The following USH2A variants were observed in gnomAD, a reference collection of about 807,000 sequenced individuals.
USH2A encodes usherin.
A neutral mutation model predicts 538.9 loss-of-function variants in USH2A; 443 were observed. That is an observed-to-expected ratio of 0.82 (90% CI 0.76 to 0.89). The LOEUF is 0.89. USH2A is among the 40% of genes least tolerant of loss of function. The pLI is 0.00. For missense variants in USH2A, 6,633 were observed against 6,324.8 expected (o/e 1.05, Z -1.65); for synonymous variants, 2,413 against 2,273.5 (o/e 1.06, Z -1.75).
intron 3 of USH2A, among the ~76,000 whole-genome samples, chr1:216,417,715 G>A (rs2039601363): frequency 6.6e-6 from 1 of 152,084 alleles, no homozygotes; most frequent in South Asian, 2.1e-4. Context: ...CAGAAGCTGA[G>A]CAGATGCCAG....
intron 58 of USH2A, among the ~76,000 whole-genome samples, chr1:215,749,148 C>T (rs1264824268): frequency 2.0e-5 from 3 of 152,216 alleles, no homozygotes; most frequent in East Asian, 3.9e-4. Context: ...TTTGGAGTGG[C>T]GTTCCCTCCA....
intron 52 of USH2A, among the ~76,000 whole-genome samples, chr1:215,785,086 T>A (rs1661760140): frequency 6.6e-6 from 1 of 152,190 alleles, no homozygotes; most frequent in African/African-American, 2.4e-5. Context: ...ATATTTTTTG[T>A]TTGTATAGTG....
chr1:215,725,735 C>T (rs1659797878), intron 61 of USH2A, among the ~76,000 whole-genome samples: 1 of 152,142 alleles, frequency 6.6e-6, no homozygotes, highest in Non-Finnish European at 1.5e-5. Context: ...TAGAAAAGCA[C>T]ACCAGTACTG....
chr1:215,674,644 C>T lies in USH2A; in HGVS notation c.13267G>A (p.Ala4423Thr), dbSNP rs779595549. The T allele has an allele frequency of 1.2e-6, 2 of 1,614,130 alleles. No homozygotes were observed. Among genetic ancestry groups the T allele is most frequent in the South Asian group, 2.2e-5 (2 of 91,078 alleles). ...GCTGTGCAACCTCCATTCGTGCAGG[C>T]TACAAGGGAGAAGTTATACTGAGAG... ...PYSQYNFSLV[A>T]CTNGGCTASV... Residue 4423 changes from alanine to threonine, a missense_variant, in exon 63 of 72, where the codon GCC becomes ACC. Physicochemically the swap from Ala to Thr is moderately conservative, Grantham distance 58 (BLOSUM62 0). Coordinates refer to ENST00000307340, the MANE Select transcript of USH2A (RefSeq NM_206933.4).
chr1:216,220,631 A>G (rs925246832), intron 14 of USH2A, among the ~76,000 whole-genome samples: 37 of 151,942 alleles, frequency 2.4e-4, no homozygotes, highest in African/African-American at 8.9e-4. Context: ...GAGGGTATGA[A>G]ATTGCAAGCA....
intron 32 of USH2A, among the ~76,000 whole-genome samples, chr1:216,035,768 T>G (rs2029909989): frequency 6.6e-6 from 1 of 152,196 alleles, no homozygotes; most frequent in South Asian, 2.1e-4. Context: ...ATTAATTTAC[T>G]GAGTCTCAGT....
intron 52 of USH2A, among the ~76,000 whole-genome samples, chr1:215,784,558 G>A (rs1465312623): frequency 6.6e-6 from 1 of 152,126 alleles, no homozygotes; most frequent in Non-Finnish European, 1.5e-5. Flanking sequence ...CTAGTTATTA[G>A]TAGGTATTTA....
intron 38 of USH2A, among the ~76,000 whole-genome samples, chr1:215,933,416 C>T (rs1666411962): frequency 6.6e-6 from 1 of 151,866 alleles, no homozygotes; most frequent in South Asian, 2.1e-4. Flanking sequence ...ATGATACTAA[C>T]CTGAGTTGAT....
intron 55 of USH2A, among the ~76,000 whole-genome samples, chr1:215,768,182 C>G (rs563242951): frequency 2.9e-4 from 44 of 152,256 alleles, no homozygotes; most frequent in South Asian, 2.3e-3. Flanking sequence ...TATCCCCTCA[C>G]ATAATTTTCT....
At chr1:215,900,593 A>T in intron 39 of USH2A, 162 bp downstream of exon 39, 1 of 987,174 alleles carries the variant, frequency 1.0e-6, no homozygotes, top group Non-Finnish European at 1.5e-6. Context: ...AAAAATAGAT[A>T]TTTTTGCAAA....
At chr1:216,294,387 A>C (rs2037063733) in intron 9 of USH2A, among the ~76,000 whole-genome samples, 1 of 152,052 alleles carries the variant, frequency 6.6e-6, no homozygotes, top group South Asian at 2.1e-4. Context: ...ATGAATATAC[A>C]TGGGTATTGT....
intron 32 of USH2A, among the ~76,000 whole-genome samples, chr1:216,037,181 T>C (rs2030022953): frequency 6.6e-6 from 1 of 152,104 alleles, no homozygotes; most frequent in East Asian, 1.9e-4. Flanking sequence ...AAATCAGAAC[T>C]GTAAGATCCT....
chr1:216,379,283 A>C (rs1477988471), intron 3 of USH2A, among the ~76,000 whole-genome samples: 4 of 152,146 alleles, frequency 2.6e-5, no homozygotes, highest in Non-Finnish European at 5.9e-5. Flanking sequence ...TCCTGTGTGT[A>C]ATTTGGGCTG....
chr1:216,404,819 T>C (rs918896174), intron 3 of USH2A, among the ~76,000 whole-genome samples: 1 of 151,950 alleles, frequency 6.6e-6, no homozygotes, highest in Non-Finnish European at 1.5e-5. Flanking sequence ...AGACGAGGTT[T>C]CACCAAGTTG....
chr1:215,722,880 C>T (rs1659703685), intron 61 of USH2A, among the ~76,000 whole-genome samples: 2 of 152,078 alleles, frequency 1.3e-5, no homozygotes, highest in South Asian at 4.1e-4. Context: ...CTTTAAAATC[C>T]CAAATTATCA....
In USH2A at chr1:216,073,109, G is replaced by GACCTTTTAAGGTTTAC; in HGVS notation, c.5763_5764insGTAAACCTTAAAAGGT (p.Gln1922ValfsTer20). On this transcript the variant is annotated frameshift_variant, in exon 28 of 72. Transcript: ENST00000307340. LOFTEE classifies it high-confidence loss of function. ...ACCTCCACATTACCTGTAAAAGGCT[G>GACCTTTTAAGGTTTAC]GAGACCACCCTCGTAAACACTCTGC... is the stretch of plus-strand genomic sequence containing the variant. 1 of 1,613,810 alleles carries GACCTTTTAAGGTTTAC rather than the reference G, an allele frequency of 6.2e-7. No homozygotes were observed. Among genetic ancestry groups the GACCTTTTAAGGTTTAC allele is most frequent in the South Asian group, 1.1e-5 (1 of 91,064 alleles).
intron 24 of USH2A, chr1:216,085,131 A>T (rs2032088420): frequency 4.5e-6 from 2 of 447,934 alleles, no homozygotes; most frequent in Non-Finnish European, 8.1e-6. Context: ...GTTTTGCAGT[A>T]GCAAGAATAT....
intron 21 of USH2A, among the ~76,000 whole-genome samples, chr1:216,155,860 ATCT>A (rs2033926707): frequency 6.6e-6 from 1 of 152,208 alleles, no homozygotes; most frequent in African/African-American, 2.4e-5. Context: ...TATAAGGAAG[ATCT>A]TCTAACATTT....
chr1:215,872,786 T>C (rs1373121538), intron 43 of USH2A, among the ~76,000 whole-genome samples: 1 of 151,952 alleles, frequency 6.6e-6, no homozygotes, highest in Non-Finnish European at 1.5e-5. Flanking sequence ...ATCCCTGTGG[T>C]AGTGAGTGAG....
Sources: gnomAD v4.1 joint callset for allele counts (sites outside exome capture counted in the v4.1 genomes callset) on GRCh38, gnomAD v4.1.1 for gene constraint, MANE v1.5 for transcripts, NCBI Gene and HGNC (gene_info 2026-07-23, HGNC 2026-07-21) for gene names.